GREM2: variants seen among roughly 807,000 people sequenced by gnomAD.
The protein encoded by GREM2 is gremlin 2, DAN family BMP antagonist.
A neutral mutation model predicts 14.2 loss-of-function variants in GREM2; 11 were observed. That is an observed-to-expected ratio of 0.78 (90% CI 0.49 to 1.28). The LOEUF (loss-of-function observed/expected upper bound fraction) is 1.28, where lower values mean the gene tolerates loss of function less well. Ranked by LOEUF, GREM2 falls within the 50% of genes most tolerant of loss-of-function variation. GREM2 has a pLI of 0.00. For synonymous variants in GREM2, 98 were observed against 97.6 expected, an observed-to-expected ratio of 1.00 and a Z score of -0.02; for missense variants, 210 against 218.5, an observed-to-expected ratio of 0.96 and a Z score of 0.24.
At chr1:240,535,092 A>G (rs139770344) in intron 1 of GREM2, among the ~76,000 whole-genome samples, 2,245 of 152,342 alleles carry the variant, frequency 0.015, 41 homozygotes, top group Non-Finnish European at 0.017. Context: ...ATTTGAGTCT[A>G]TAACATAGAG....
At chr1:240,564,189 C>T (rs1679131261) in intron 1 of GREM2, among the ~76,000 whole-genome samples, 1 of 152,034 alleles carries the variant, frequency 6.6e-6, no homozygotes, top group Non-Finnish European at 1.5e-5. Flanking sequence ...GCCTGGGGGA[C>T]ATAGTGAAAC....
intron 1 of GREM2, among the ~76,000 whole-genome samples, chr1:240,521,791 AT>A (rs1050270259): frequency 2.6e-5 from 4 of 151,624 alleles, no homozygotes; most frequent in African/African-American, 4.8e-5. Context: ...TATGTGATGT[AT>A]TTTTTTTCTG....
At chr1:240,598,758 C>G (rs1679865721) in intron 1 of GREM2, among the ~76,000 whole-genome samples, 1 of 152,198 alleles carries the variant, frequency 6.6e-6, no homozygotes, top group Non-Finnish European at 1.5e-5. Context: ...TAGGCATACT[C>G]TGCTTGATCT....
chr1:240,561,593 T>C (rs929528124), intron 1 of GREM2, among the ~76,000 whole-genome samples: 2 of 152,094 alleles, frequency 1.3e-5, no homozygotes, highest in Non-Finnish European at 2.9e-5. Flanking sequence ...GAATCAATCA[T>C]TTTAATGCCT....
intron 1 of GREM2, among the ~76,000 whole-genome samples, chr1:240,510,746 T>C (rs1677806368): frequency 6.6e-6 from 1 of 152,166 alleles, no homozygotes; most frequent in African/African-American, 2.4e-5. Context: ...TAATAAAAAA[T>C]CAAATATTGT....
chr1:240,578,750 C>T (rs937068486), intron 1 of GREM2, among the ~76,000 whole-genome samples: 1 of 151,594 alleles, frequency 6.6e-6, no homozygotes, highest in African/African-American at 2.4e-5. Flanking sequence ...CGCCACTGTA[C>T]TCCAGCCTGG....
intron 1 of GREM2, among the ~76,000 whole-genome samples, chr1:240,601,432 G>A (rs945475735): frequency 6.6e-6 from 1 of 152,142 alleles, no homozygotes; most frequent in Non-Finnish European, 1.5e-5. Context: ...TGAGGACATA[G>A]AGCCAAAGTT....
At chr1:240,541,858 G>T (rs901511190) in intron 1 of GREM2, among the ~76,000 whole-genome samples, 1 of 152,116 alleles carries the variant, frequency 6.6e-6, no homozygotes, top group African/African-American at 2.4e-5. Flanking sequence ...TTGTGTCACT[G>T]GTCCTAGGCT....
At chr1:240,559,568 T>C (rs192011414) in intron 1 of GREM2, among the ~76,000 whole-genome samples, 155 of 151,340 alleles carry the variant, frequency 1.0e-3, no homozygotes, top group African/African-American at 3.6e-3. Context: ...GGTCTTGAAC[T>C]CCTGACCTTA....
chr1:240,565,848 A>C (rs946186363), intron 1 of GREM2, among the ~76,000 whole-genome samples: 1 of 142,102 alleles, frequency 7.0e-6, no homozygotes, highest in African/African-American at 2.7e-5. Flanking sequence ...TCTGTCTCCA[A>C]AAAAAAAAAA....
chr1:240,562,933 TGTGAGTGTGTGA>T (rs1679085466), intron 1 of GREM2, among the ~76,000 whole-genome samples: 1 of 144,360 alleles, frequency 6.9e-6, no homozygotes, highest in Non-Finnish European at 1.5e-5. Context: ...TGTGTATGTG[TGTGAGTGTGTGA>T]GTGTGTATGT....
intron 1 of GREM2, among the ~76,000 whole-genome samples, chr1:240,595,232 T>C (rs1679797738): frequency 6.6e-6 from 1 of 152,198 alleles, no homozygotes; most frequent in African/African-American, 2.4e-5. Flanking sequence ...TTTGGGAGGC[T>C]GAGGCAGGAG....
intron 1 of GREM2, among the ~76,000 whole-genome samples, chr1:240,569,819 A>G (rs1679226821): frequency 6.6e-6 from 1 of 152,244 alleles, no homozygotes; most frequent in Admixed American, 6.5e-5. Flanking sequence ...AGCACAAACT[A>G]TGAAAGAAAA....
At chr1:240,589,464 A>AT (rs1291795270) in intron 1 of GREM2, among the ~76,000 whole-genome samples, 1 of 139,144 alleles carries the variant, frequency 7.2e-6, no homozygotes, top group Non-Finnish European at 1.5e-5. Context: ...AAGAAAAAAA[A>AT]GAAAAGAAAA....
At position 240,532,328 on chromosome 1, in the gene GREM2, C is replaced by T. The variant is rs533643191; in HGVS notation, c.-1-38852G>A. Among the ~76,000 whole-genome samples, 399 of 152,210 alleles carry T rather than the reference C, an allele frequency of 2.6e-3. 2 individuals carry two copies. The highest frequency in any genetic ancestry group is 9.0e-3 in the African/African-American group (375 of 41,524). ...TGAACTCCTGACCTCAGATGATCCA[C>T]CTGCCTCGGCCTCCCAAAGTGCTGG... is the stretch of plus-strand genomic sequence containing the variant. On this transcript the variant is annotated intron_variant, in intron 1 of 1. Coordinates refer to ENST00000318160, the MANE Select transcript of GREM2 (RefSeq NM_022469.4).
chr1:240,568,287 A>C (rs1248031063), intron 1 of GREM2, among the ~76,000 whole-genome samples: 1 of 152,208 alleles, frequency 6.6e-6, no homozygotes, highest in Non-Finnish European at 1.5e-5. Context: ...TAAGTTTAAA[A>C]TATGCACTAT....
chr1:240,563,156 TG>T (rs1398217840), intron 1 of GREM2, among the ~76,000 whole-genome samples: 4 of 117,964 alleles, frequency 3.4e-5, no homozygotes, highest in Non-Finnish European at 6.2e-5. Context: ...TGAGTGTGTA[TG>T]TGTGTACGTG....
intron 1 of GREM2, among the ~76,000 whole-genome samples, chr1:240,516,730 G>A (rs1677964623): frequency 6.6e-6 from 1 of 152,022 alleles, no homozygotes; most frequent in South Asian, 2.1e-4. Flanking sequence ...CCAATTATGA[G>A]AAAATTTCAG....
intron 1 of GREM2, among the ~76,000 whole-genome samples, chr1:240,562,976 G>A (rs1288918843): frequency 2.0e-5 from 3 of 148,064 alleles, no homozygotes; most frequent in African/African-American, 7.7e-5. Context: ...GTGTATGTGT[G>A]TATATGTAAG....
Sources: gnomAD v4.1 joint callset for allele counts (sites outside exome capture counted in the v4.1 genomes callset) on GRCh38, gnomAD v4.1.1 for gene constraint, MANE v1.5 for transcripts, NCBI Gene and HGNC (gene_info 2026-07-23, HGNC 2026-07-21) for gene names.